Variants in MSRA observed in about 807,000 individuals in gnomAD.
The protein encoded by MSRA is mitochondrial peptide methionine sulfoxide reductase.
MSRA carries 54 observed loss-of-function variants against 31.3 expected under a neutral mutation model. The ratio of observed to expected loss-of-function variants is 1.73; its 90% CI spans 1.39 to 2.17. The LOEUF (loss-of-function observed/expected upper bound fraction) is 2.17. Ranked by LOEUF, MSRA falls within the 30% of genes most tolerant of loss-of-function variation. MSRA has a pLI of 0.00. For synonymous variants in MSRA, 169 were observed against 116.5 expected (o/e 1.45, Z -2.90); for missense variants, 507 against 300.9 (o/e 1.69, Z -5.07).
At chr8:10,160,084 C>T (rs901065302) in intron 1 of MSRA, among the ~76,000 whole-genome samples, 2 of 152,130 alleles carry the variant, frequency 1.3e-5, no homozygotes, top group South Asian at 2.1e-4. Flanking sequence ...TACACTTTGT[C>T]AGTTGAAGAT....
chr8:10,231,075 C>T lies in MSRA; in HGVS notation c.212-14029C>T, dbSNP rs375539453. Among the ~76,000 whole-genome samples the T allele has an allele frequency of 5.3e-5, 8 of 152,114 alleles. No homozygotes were observed. In the South Asian group the frequency reaches 8.3e-4, roughly 16 times the overall value. ...TGCTGGGATTACAGGCATCAGCCACCGCACCCAGCCTGTTCTGTAGTTTTA... is the reference window on the plus strand; with the variant it reads ...TGCTGGGATTACAGGCATCAGCCACTGCACCCAGCCTGTTCTGTAGTTTTA... On this transcript the variant is annotated intron_variant, in intron 2 of 5. Coordinates refer to ENST00000317173, the MANE Select transcript of MSRA (RefSeq NM_012331.5).
At chr8:10,186,381 G>A (rs1387930478) in intron 1 of MSRA, among the ~76,000 whole-genome samples, 3 of 152,200 alleles carry the variant, frequency 2.0e-5, no homozygotes, top group African/African-American at 7.2e-5. Context: ...ATAAATGAAT[G>A]AGTGTGGCTG....
intron 1 of MSRA, among the ~76,000 whole-genome samples, chr8:10,109,958 A>G (rs1800159250): frequency 6.6e-6 from 1 of 152,034 alleles, no homozygotes; most frequent in African/African-American, 2.4e-5. Flanking sequence ...ACATATGTAA[A>G]GATTCGTCAT....
intron 3 of MSRA, among the ~76,000 whole-genome samples, chr8:10,282,500 G>T (rs1035832181): frequency 6.6e-6 from 1 of 152,148 alleles, no homozygotes; most frequent in Non-Finnish European, 1.5e-5. Context: ...CGACATTGTG[G>T]GGACAGGTGT....
At chr8:10,295,730 C>G (rs1800502911) in intron 3 of MSRA, among the ~76,000 whole-genome samples, 1 of 150,692 alleles carries the variant, frequency 6.6e-6, no homozygotes, top group Non-Finnish European at 1.5e-5. Context: ...GAGAGGTGGA[C>G]TTGTACTCTG....
rs112834829 is a variant in MSRA at position 10,180,653 on chromosome 8, G to A, written c.143-27180G>A. 4.3e-3 allele frequency among the ~76,000 whole-genome samples: 657 copies of A among 152,268 alleles called. 2 individuals are homozygous for A. Among genetic ancestry groups the A allele is most frequent in the African/African-American group, 0.015 (629 of 41,556 alleles). ...ACCCCCATCACTCAGAATACCAAGG[G>A]TTTTAGGAGCGCTGTACCAGGAACC... On this transcript the variant is annotated intron_variant, in intron 1 of 5. Transcript: ENST00000317173.
chr8:10,140,832 G>C (rs1802642071), intron 1 of MSRA, among the ~76,000 whole-genome samples: 2 of 152,064 alleles, frequency 1.3e-5, no homozygotes, highest in Non-Finnish European at 2.9e-5. Flanking sequence ...ATAGAAATGA[G>C]TGATTGAGGA....
chr8:10,164,242 G>A (rs1269371463), intron 1 of MSRA, among the ~76,000 whole-genome samples: 1 of 152,198 alleles, frequency 6.6e-6, no homozygotes, highest in Non-Finnish European at 1.5e-5. Flanking sequence ...TGTTATCCTA[G>A]TCTTATCTGT....
chr8:10,245,937 C>T (rs565674759), intron 3 of MSRA, among the ~76,000 whole-genome samples: 230 of 152,316 alleles, frequency 1.5e-3, no homozygotes, highest in Non-Finnish European at 2.2e-3. Flanking sequence ...ATGAGACAGA[C>T]ATTTCAGATA....
Position 10,177,762 on chromosome 8 carries a change from A to G in MSRA, c.143-30071A>G, listed in dbSNP as rs147317680. 3.3e-5 allele frequency among the ~76,000 whole-genome samples: 5 copies of G among 152,314 alleles called. No homozygotes were observed. The East Asian group carries it at 9.7e-4, about 29-fold the overall frequency. ...GCAGCAGGTCTATGGACAGCCCTGA[A>G]ATTTCTTTAAAAACCAGTCTTGGAA... On this transcript the variant is annotated intron_variant, in intron 1 of 5. Transcript: ENST00000317173.
At chr8:10,086,320 A>G (rs929739351) in intron 1 of MSRA, among the ~76,000 whole-genome samples, 14 of 152,210 alleles carry the variant, frequency 9.2e-5, no homozygotes, top group African/African-American at 3.4e-4. Flanking sequence ...AGGTTGAGAA[A>G]GGAATGAAGG....
At chr8:10,395,124 C>T (rs1011803930) in intron 5 of MSRA, among the ~76,000 whole-genome samples, 4 of 152,128 alleles carry the variant, frequency 2.6e-5, no homozygotes, top group African/African-American at 4.8e-5. Flanking sequence ...TTTAGGAACA[C>T]GCAGGAGGAA....
chr8:10,402,197 C>G (rs1040836034), intron 5 of MSRA, among the ~76,000 whole-genome samples: 2 of 152,154 alleles, frequency 1.3e-5, no homozygotes, highest in South Asian at 4.1e-4. Context: ...GCCTGTCACC[C>G]AGGGATTCAT....
intron 1 of MSRA, among the ~76,000 whole-genome samples, chr8:10,105,095 A>G (rs1799796099): frequency 6.6e-6 from 1 of 152,272 alleles, no homozygotes; most frequent in Middle Eastern, 3.4e-3. Flanking sequence ...TTCTGTATTC[A>G]TATGCTTTGC....
chr8:10,222,744 C>T (rs183316266), intron 2 of MSRA, among the ~76,000 whole-genome samples: 13 of 152,252 alleles, frequency 8.5e-5, no homozygotes, highest in African/African-American at 2.6e-4. Context: ...CATAGAAAAA[C>T]AAATAGTGCG....
At chr8:10,330,415 T>C (rs900179936) in intron 5 of MSRA, among the ~76,000 whole-genome samples, 3 of 152,226 alleles carry the variant, frequency 2.0e-5, no homozygotes, top group African/African-American at 7.2e-5. Flanking sequence ...AAGAGGTATA[T>C]ACAGATCCTT....
intron 5 of MSRA, among the ~76,000 whole-genome samples, chr8:10,345,005 G>A (rs896919450): frequency 3.3e-5 from 5 of 152,118 alleles, no homozygotes; most frequent in Non-Finnish European, 7.4e-5. Context: ...TCACCTGGAG[G>A]CAGGGCTCAG....
intron 5 of MSRA, among the ~76,000 whole-genome samples, chr8:10,405,311 G>A (rs962320126): frequency 6.6e-6 from 1 of 152,034 alleles, no homozygotes. Flanking sequence ...TCGCCCTGCC[G>A]GAGCACCTGC....
chr8:10,227,645 C>T (rs1410153524), intron 2 of MSRA, among the ~76,000 whole-genome samples: 3 of 152,108 alleles, frequency 2.0e-5, no homozygotes, highest in Non-Finnish European at 4.4e-5. Context: ...TGCAGAGGTA[C>T]AGTGGAGTGT....
Sources: gnomAD v4.1 joint callset for allele counts (sites outside exome capture counted in the v4.1 genomes callset) on GRCh38, gnomAD v4.1.1 for gene constraint, MANE v1.5 for transcripts, NCBI Gene and HGNC (gene_info 2026-07-23, HGNC 2026-07-21) for gene names.